The following TMEM132C variants were observed in gnomAD, a reference collection of about 807,000 sequenced individuals.
TMEM132C encodes the protein protein phosphatase 1, regulatory subunit 152.
A neutral mutation model predicts 61.4 loss-of-function variants in TMEM132C; 29 were observed. That is an observed-to-expected ratio of 0.47 (90% CI 0.35 to 0.64). TMEM132C has a LOEUF of 0.64. Among genes scored for constraint, TMEM132C ranks in the 30% least tolerant of loss-of-function variants. TMEM132C has a pLI of 0.00. For missense variants in TMEM132C, 1,408 were observed against 1,476.9 expected (o/e 0.95, Z 0.76); for synonymous variants, 656 against 633.1 (o/e 1.04, Z -0.54).
rs181145852 is a variant in TMEM132C, at chr12:128,483,370, C to T, written c.975-60587C>T. On this transcript the variant is annotated intron_variant, in intron 2 of 8. Coordinates refer to ENST00000435159, the MANE Select transcript of TMEM132C (RefSeq NM_001136103.3). Reference sequence around the variant, plus strand: ...GCTCAAGAGGCACAAGACAAGCAGCCGAAGGGGCCATGGAGCCCCTGGGTA... The same window carrying T: ...GCTCAAGAGGCACAAGACAAGCAGCTGAAGGGGCCATGGAGCCCCTGGGTA... 6.4e-3 allele frequency among the ~76,000 whole-genome samples: 588 copies of T among 91,780 alleles called. 4 individuals are homozygous for T. The highest frequency in any genetic ancestry group is 0.024 in the African/African-American group (560 of 23,096). The allele number at this position is 91,780 out of a possible 152,430, so 60.2% of individuals were successfully genotyped here.
intron 5 of TMEM132C, among the ~76,000 whole-genome samples, chr12:128,671,952 C>G (rs1470386369): frequency 6.6e-6 from 1 of 152,088 alleles, no homozygotes; most frequent in Non-Finnish European, 1.5e-5. Flanking sequence ...ATCACACTGT[C>G]CAATGGAAAC....
intron 3 of TMEM132C, among the ~76,000 whole-genome samples, chr12:128,575,544 A>G (rs569219981): frequency 6.6e-6 from 1 of 152,370 alleles, no homozygotes; most frequent in South Asian, 2.1e-4. Context: ...TCATGAGTCT[A>G]TAAAATGTAG....
intron 5 of TMEM132C, among the ~76,000 whole-genome samples, chr12:128,671,270 T>C (rs937954816): frequency 3.9e-5 from 6 of 151,998 alleles, no homozygotes; most frequent in Admixed American, 3.9e-4. Flanking sequence ...TTGCCTAGAG[T>C]AATGTGTGCT....
At chr12:128,411,192 C>CT (rs1868524849) in intron 1 of TMEM132C, among the ~76,000 whole-genome samples, 2 of 152,288 alleles carry the variant, frequency 1.3e-5, no homozygotes, top group Non-Finnish European at 2.9e-5. Context: ...CCACCGAAAC[C>CT]TACCTGTGTG....
intron 3 of TMEM132C, among the ~76,000 whole-genome samples, chr12:128,554,978 T>A (rs1462215150): frequency 6.6e-6 from 1 of 152,086 alleles, no homozygotes; most frequent in African/African-American, 2.4e-5. Context: ...CACACTTCCA[T>A]AGAACAGTGA....
chr12:128,600,084 G>A (rs1242959372), intron 3 of TMEM132C, among the ~76,000 whole-genome samples: 2 of 152,104 alleles, frequency 1.3e-5, no homozygotes, highest in African/African-American at 2.4e-5. Context: ...CCGGGTTCAC[G>A]CCATTCTCCT....
chr12:128,598,866 G>A (rs1322485617), intron 3 of TMEM132C, among the ~76,000 whole-genome samples: 1 of 151,328 alleles, frequency 6.6e-6, no homozygotes, highest in African/African-American at 2.4e-5. Flanking sequence ...TGGGGTTTGG[G>A]GTGGGGTTTG....
chr12:128,299,834 C>T (rs753236889), intron 1 of TMEM132C, among the ~76,000 whole-genome samples: 4 of 152,162 alleles, frequency 2.6e-5, no homozygotes, highest in East Asian at 1.9e-4. Context: ...CACCCCTACA[C>T]GTGATTGCAG....
At chr12:128,470,266 A>T (rs1870903251) in intron 2 of TMEM132C, among the ~76,000 whole-genome samples, 2 of 152,178 alleles carry the variant, frequency 1.3e-5, no homozygotes, top group Non-Finnish European at 2.9e-5. Context: ...TGTCTTGCTT[A>T]TGATGGACGA....
At chr12:128,595,974 C>T (rs546872464) in intron 3 of TMEM132C, among the ~76,000 whole-genome samples, 1 of 152,378 alleles carries the variant, frequency 6.6e-6, no homozygotes, top group South Asian at 2.1e-4. Flanking sequence ...TGCGGGGAAG[C>T]TCTGCAGTGA....
chr12:128,381,224 T>C (rs1456043113), intron 1 of TMEM132C, among the ~76,000 whole-genome samples: 1 of 152,196 alleles, frequency 6.6e-6, no homozygotes, highest in Non-Finnish European at 1.5e-5. Flanking sequence ...CACCGCCTTA[T>C]TGGGGGAATG....
At chr12:128,604,454 AG>A (rs1876335208) in intron 3 of TMEM132C, among the ~76,000 whole-genome samples, 1 of 136,340 alleles carries the variant, frequency 7.3e-6, no homozygotes, top group African/African-American at 2.8e-5. Context: ...GATAGATAAT[AG>A]ATGGATAGAT....
At chr12:128,368,763 TCA>T (rs368260860) in intron 1 of TMEM132C, among the ~76,000 whole-genome samples, 37 of 152,150 alleles carry the variant, frequency 2.4e-4, no homozygotes, top group Non-Finnish European at 1.2e-4. Context: ...GTTTTTTATC[TCA>T]CATCCAAGAC....
intron 1 of TMEM132C, among the ~76,000 whole-genome samples, chr12:128,357,720 G>C (rs935277457): frequency 7.3e-5 from 11 of 150,786 alleles, no homozygotes; most frequent in African/African-American, 2.7e-4. Context: ...AGAAAAAGAA[G>C]GAGCCCAAAG....
intron 4 of TMEM132C, among the ~76,000 whole-genome samples, chr12:128,638,920 GTGATGGTGA>G (rs1565999020): frequency 5.9e-5 from 7 of 118,792 alleles, no homozygotes; most frequent in African/African-American, 1.6e-4. Flanking sequence ...GATGATGGTG[GTGATGGTGA>G]TGGTGGTGAT....
At chr12:128,556,826 G>C (rs1168359332) in intron 3 of TMEM132C, among the ~76,000 whole-genome samples, 1 of 152,076 alleles carries the variant, frequency 6.6e-6, no homozygotes, top group African/African-American at 2.4e-5. Flanking sequence ...AGCTGCCCCT[G>C]ACTGCTCCTG....
rs567448320 is a variant in TMEM132C, at chr12:128,322,565, G to A, written c.85+55078G>A. ...ACAGCAAAAAACAACATATGGCTACGCCATGGGGGTCTGAGTCAATTTCAT... is the reference window on the plus strand; with the variant it reads ...ACAGCAAAAAACAACATATGGCTACACCATGGGGGTCTGAGTCAATTTCAT... On this transcript the variant is annotated intron_variant, in intron 1 of 8. Transcript: ENST00000435159. 6.5e-3 allele frequency among the ~76,000 whole-genome samples: 985 copies of A among 152,334 alleles called. 4 individuals are homozygous for A. The highest frequency in any genetic ancestry group is 0.014 in the Middle Eastern group (4 of 294).
intron 1 of TMEM132C, among the ~76,000 whole-genome samples, chr12:128,412,733 T>C (rs1868603830): frequency 6.6e-6 from 1 of 152,208 alleles, no homozygotes; most frequent in South Asian, 2.1e-4. Context: ...TTTTTTAAAT[T>C]ACCCAGTCTG....
rs141462744 is a variant in TMEM132C, at chr12:128,675,050, G to A, written c.1449+5490G>A. 9.5e-3 allele frequency among the ~76,000 whole-genome samples: 1,446 copies of A among 152,172 alleles called. 29 individuals carry two copies. The highest frequency in any genetic ancestry group is 0.033 in the African/African-American group (1,370 of 41,496). ...GCTGAGATTCAGCAGGAGGACTTGG[G>A]TTTTATGATTTTGCTTCCTCACTTT... On this transcript the variant is annotated intron_variant, in intron 5 of 8. Coordinates refer to ENST00000435159, the MANE Select transcript of TMEM132C (RefSeq NM_001136103.3).
Sources: gnomAD v4.1 joint callset for allele counts (sites outside exome capture counted in the v4.1 genomes callset) on GRCh38, gnomAD v4.1.1 for gene constraint, MANE v1.5 for transcripts, NCBI Gene and HGNC (gene_info 2026-07-23, HGNC 2026-07-21) for gene names.